The following LAMA1 variants were observed in gnomAD, a reference collection of about 807,000 sequenced individuals.
LAMA1 encodes the protein laminin subunit alpha-1.
Under a neutral mutation model 348.7 loss-of-function variants are expected in LAMA1, and 219 were observed. That is an observed-to-expected ratio of 0.63 (90% CI 0.56 to 0.70). The LOEUF is 0.70. Ranked by LOEUF, LAMA1 falls within the 30% of genes least tolerant of loss-of-function variation. The pLI is 0.00. For missense variants in LAMA1, 3,744 were observed against 3,888.0 expected (o/e 0.96, Z 0.99); for synonymous variants, 1,487 against 1,491.0 (o/e 1.00, Z 0.06).
intron 29 of LAMA1, among the ~76,000 whole-genome samples, chr18:7,003,165 G>A (rs948784455): frequency 2.0e-5 from 3 of 151,920 alleles, no homozygotes; most frequent in Admixed American, 6.6e-5. Context: ...CGACATGCAC[G>A]AGCCACCCCA....
chr18:6,958,339 A>C (rs2057590026), intron 55 of LAMA1, 138 bp downstream of exon 55: 2 of 835,064 alleles, frequency 2.4e-6, no homozygotes, highest in Non-Finnish European at 4.0e-6. Flanking sequence ...TACATGATAG[A>C]ACAATGGGGT....
chr18:7,034,167 G>A (rs1186112833), intron 14 of LAMA1, among the ~76,000 whole-genome samples: 1 of 152,162 alleles, frequency 6.6e-6, no homozygotes, highest in Non-Finnish European at 1.5e-5. Context: ...ACATTAGGAT[G>A]GTGAGAACCA....
intron 29 of LAMA1, among the ~76,000 whole-genome samples, chr18:7,004,422 A>G (rs899328532): frequency 5.3e-5 from 8 of 151,910 alleles, no homozygotes; most frequent in Non-Finnish European, 1.0e-4. Flanking sequence ...GGGCGATCTC[A>G]GCTCACCGCA....
rs1182051528 is a variant in LAMA1 at position 6,966,185 on chromosome 18, G to A, written c.7012C>T (p.Pro2338Ser). 1.9e-6 allele frequency: 3 copies of A among 1,614,126 alleles called. No homozygotes were observed. Among genetic ancestry groups the A allele is most frequent in the Non-Finnish European group, 2.5e-6 (3 of 1,179,996 alleles). ...CCCAGGTAGAGAAGAAGTCCATTAGGTGAAAAGGTATTAAAAAGCATGATT... is the reference window on the plus strand; with the variant it reads ...CCCAGGTAGAGAAGAAGTCCATTAGATGAAAAGGTATTAAAAAGCATGATT... Reference protein sequence around the residue: ...QIIMLFNTFSPNGLLLYLGSY... With the variant: ...QIIMLFNTFSSNGLLLYLGSY... The change falls in exon 49 of 63, where the codon CCT becomes TCT. Residue 2338 changes from proline to serine, a missense_variant. This residue lies in a region of LAMA1 where 1,983 missense variants were observed against 1,934.3 expected (regional missense o/e 1.03). Transcript: ENST00000389658.
At chr18:7,014,244 G>A (rs1336312388) in intron 22 of LAMA1, among the ~76,000 whole-genome samples, 193 bp from the exon 23 acceptor site, 1 of 152,178 alleles carries the variant, frequency 6.6e-6, no homozygotes, top group Non-Finnish European at 1.5e-5. Flanking sequence ...GGAAATCTGT[G>A]CATCTTAGTG....
rs76486859 is a variant in LAMA1 at position 6,978,052 on chromosome 18, C to T, written c.6190+144G>A. 8.5e-3 allele frequency: 11,106 copies of T among 1,300,194 alleles called. 76 individuals carry two copies. The highest frequency in any genetic ancestry group is 0.011 in the Non-Finnish European group (9,569 of 903,570). 80.5% of individuals were successfully genotyped at this position (1,300,194 alleles called of 1,614,324 possible). A position where few individuals can be genotyped will look rare whatever the true frequency, so the allele number is the denominator to read the frequency against. ...ACAAGTAGCATGCATTTCCCAAGGT[C>T]CTTCTCTTAATAAAGGCTAATCCAG... On this transcript the variant is annotated intron_variant, in intron 43 of 62. Coordinates refer to ENST00000389658, the MANE Select transcript of LAMA1 (RefSeq NM_005559.4).
At position 6,941,895 on chromosome 18, in the gene LAMA1, T is replaced by C. The variant is rs912741979; in HGVS notation, c.*184A>G. On this transcript the variant is annotated 3_prime_UTR_variant, in exon 63 of 63. Transcript: ENST00000389658. ...GAGCCAGGGAATTCAATTTACATTT[T>C]AGACCATTTAATGGAGGTATTTGTT... is the stretch of plus-strand genomic sequence containing the variant. 22 of 681,980 alleles carry C rather than the reference T, an allele frequency of 3.2e-5. No individual in the cohort carries two copies. The highest frequency in any genetic ancestry group is 4.8e-5 in the Admixed American group (2 of 41,440). The allele number at this position is 681,980 out of a possible 1,614,324, so 42.2% of individuals were successfully genotyped here. A position where few individuals can be genotyped will look rare whatever the true frequency, so the allele number is the denominator to read the frequency against.
At chr18:7,017,076 T>C (rs1354746365) in intron 20 of LAMA1, among the ~76,000 whole-genome samples, 4 of 152,178 alleles carry the variant, frequency 2.6e-5, no homozygotes, top group Non-Finnish European at 5.9e-5. Context: ...ACCATGATTG[T>C]AAGTTTCCTG....
chr18:7,054,822 A>C (rs2143734063), intron 3 of LAMA1, among the ~76,000 whole-genome samples: 1 of 152,318 alleles, frequency 6.6e-6, no homozygotes, highest in East Asian at 1.9e-4. Context: ...CCACTTAATG[A>C]ATAGTAAATA....
chr18:6,992,342 A>G (rs563485531), intron 36 of LAMA1, among the ~76,000 whole-genome samples: 14 of 152,316 alleles, frequency 9.2e-5, no homozygotes, highest in African/African-American at 3.1e-4. Context: ...TGATAGCACA[A>G]AGATAGATTA....
intron 1 of LAMA1, 24 bp downstream of exon 1, chr18:7,117,636 C>G (rs1022418278): frequency 6.3e-7 from 1 of 1,594,794 alleles, no homozygotes; most frequent in African/African-American, 1.3e-5. Flanking sequence ...GGGACAGGGA[C>G]CCTAGGACCC....
In LAMA1 at chr18:6,958,582, A is replaced by G. The variant is rs1361004660; in HGVS notation, c.7859T>C (p.Val2620Ala). The G allele has an allele frequency of 3.1e-6, 5 of 1,613,994 alleles. No homozygotes were observed. Among genetic ancestry groups the G allele is most frequent in the African/African-American group, 1.3e-5 (1 of 74,942 alleles). ...AATTCCCCCGACGTACAGATTGGAC[A>G]CATTTATCGTCCTGCTTTCTACTAA... Reference protein sequence around the residue: ...GTLVESRTINVSNLYVGGIPE... With the variant: ...GTLVESRTINASNLYVGGIPE... The change falls in exon 55 of 63, where the codon GTG becomes GCG. Residue 2620 changes from valine to alanine, a missense_variant. This residue lies in a region of LAMA1 where 1,983 missense variants were observed against 1,934.3 expected (regional missense o/e 1.03). Transcript: ENST00000389658.
rs531725238 is a variant in LAMA1, at chr18:7,101,978, C to A, written c.61+15682G>T. 2.8e-3 allele frequency among the ~76,000 whole-genome samples: 420 copies of A among 152,090 alleles called. 3 individuals are homozygous for A. The highest frequency in any genetic ancestry group is 9.6e-3 in the African/African-American group (399 of 41,472). ...ATAGGTGTGACCACCACATCTGGCC[C>A]CTACAACAGTGACCAAAGGGTTATT... is the stretch of plus-strand genomic sequence containing the variant. On this transcript the variant is annotated intron_variant, in intron 1 of 62. Coordinates refer to ENST00000389658, the MANE Select transcript of LAMA1 (RefSeq NM_005559.4).
rs764479244 is a variant in LAMA1, at chr18:6,992,706, T to C, written c.5023A>G (p.Thr1675Ala). Residue 1675 changes from threonine (T) to alanine (A), a missense_variant, in exon 36 of 63, where the codon ACA becomes GCA. Physicochemically the swap from Thr to Ala is moderately conservative, Grantham distance 58. Coordinates refer to ENST00000389658, the MANE Select transcript of LAMA1 (RefSeq NM_005559.4). ...QMSITEIMEK[T>A]TLNQTLDEDF... Reference sequence around the variant, plus strand: ...TCATCCAAAGTCTGATTTAAAGTTGTCTTTTCCATAATTTCTATGGAGAAA... The same window carrying C: ...TCATCCAAAGTCTGATTTAAAGTTGCCTTTTCCATAATTTCTATGGAGAAA... 7 of 1,613,250 alleles carry C rather than the reference T, an allele frequency of 4.3e-6. No individual in the cohort carries two copies. The highest frequency in any genetic ancestry group is 5.1e-6 in the Non-Finnish European group (6 of 1,179,274).
intron 35 of LAMA1, 57 bp from the exon 36 acceptor site, chr18:6,992,777 G>A: frequency 6.9e-7 from 1 of 1,452,714 alleles, no homozygotes; most frequent in Non-Finnish European, 9.6e-7. Flanking sequence ...CTAGTACCAA[G>A]TGAAGAACTT....
chr18:7,006,231 T>G (rs1033443088), intron 29 of LAMA1, among the ~76,000 whole-genome samples: 1 of 152,160 alleles, frequency 6.6e-6, no homozygotes, highest in African/African-American at 2.4e-5. Flanking sequence ...GAGGCTTCTG[T>G]CTGGGCCGCT....
intron 27 of LAMA1, 30 bp from the exon 28 acceptor site, chr18:7,008,638 C>T (rs766571209): frequency 1.9e-5 from 30 of 1,612,544 alleles, no homozygotes; most frequent in Non-Finnish European, 2.3e-5. Flanking sequence ...AGAGAGGAAA[C>T]GCTAACATTT....
intron 1 of LAMA1, among the ~76,000 whole-genome samples, chr18:7,097,912 C>G (rs1184297346): frequency 6.6e-6 from 1 of 151,066 alleles, no homozygotes; most frequent in Admixed American, 6.6e-5. Flanking sequence ...CATGCTGAGC[C>G]GAAGCTGGAC....
chr18:7,007,100 C>T (rs1471198871), intron 29 of LAMA1, 39 bp downstream of exon 29: 1 of 1,611,708 alleles, frequency 6.2e-7, no homozygotes, highest in African/African-American at 1.3e-5. Context: ...GTCCACTTTA[C>T]TTCTAAACTC....
Sources: gnomAD v4.1 joint callset for allele counts (sites outside exome capture counted in the v4.1 genomes callset) on GRCh38, gnomAD v4.1.1 for gene constraint, gnomAD v4.1.1 regional missense constraint, MANE v1.5 for transcripts, NCBI Gene and HGNC (gene_info 2026-07-23, HGNC 2026-07-21) for gene names.